Variants in AFAP1L2 observed in about 807,000 individuals in gnomAD.
The protein encoded by AFAP1L2 is actin filament-associated protein 1-like 2.
Under a neutral mutation model 99.3 loss-of-function variants are expected in AFAP1L2, and 46 were observed. The ratio of observed to expected loss-of-function variants is 0.46; its 90% CI spans 0.37 to 0.59. AFAP1L2 has a LOEUF of 0.59. Among genes scored for constraint, AFAP1L2 ranks in the 20% least tolerant of loss-of-function variants. AFAP1L2 has a pLI of 0.00. For missense variants in AFAP1L2, 959 were observed against 1,034.9 expected, an observed-to-expected ratio of 0.93 and a Z score of 1.01; for synonymous variants, 397 against 419.1, an observed-to-expected ratio of 0.95 and a Z score of 0.64.
rs515392 is a variant in AFAP1L2 at position 114,385,942 on chromosome 10, C to A, written c.16+18498G>T. Reference sequence around the variant, plus strand: ...CAGGTTCTCACCACCCCCCGCCCCCCCTCAGGAGTCCCTGAGGATTCACTG... The same window carrying A: ...CAGGTTCTCACCACCCCCCGCCCCCACTCAGGAGTCCCTGAGGATTCACTG... On this transcript the variant is annotated intron_variant, in intron 1 of 18. Coordinates refer to ENST00000304129, the MANE Select transcript of AFAP1L2 (RefSeq NM_001001936.3). Among the ~76,000 whole-genome samples, 6 of 151,884 alleles carry A rather than the reference C, an allele frequency of 4.0e-5. No homozygotes were observed. In the East Asian group the frequency reaches 5.8e-4, roughly 15 times the overall value.
rs2045197429 is a variant in AFAP1L2, at chr10:114,321,069, C to T, written c.406+2102G>A. 2.6e-5 allele frequency among the ~76,000 whole-genome samples: 4 copies of T among 152,308 alleles called. No homozygotes were observed. The South Asian group carries it at 8.3e-4, about 32-fold the overall frequency. ...GTGGCAGGTAAGTGTGAAGGAAGGG[C>T]AGGGGAATCCCATCCCGCTCCCAGT... On this transcript the variant is annotated intron_variant, in intron 5 of 18. Transcript: ENST00000304129.
chr10:114,386,276 C>CT (rs770713173), intron 1 of AFAP1L2, among the ~76,000 whole-genome samples: 16 of 152,262 alleles, frequency 1.1e-4, no homozygotes, highest in Admixed American at 7.8e-4. Context: ...TGGCATGCAT[C>CT]TGTAGTCCCA....
At chr10:114,331,712 C>T in intron 4 of AFAP1L2, 91 bp downstream of exon 4, 2 of 938,194 alleles carry the variant, frequency 2.1e-6, no homozygotes, top group South Asian at 3.9e-5. Flanking sequence ...TCAGAAAATG[C>T]CAGACACTTA....
intron 1 of AFAP1L2, among the ~76,000 whole-genome samples, chr10:114,380,742 T>C (rs1299329208): frequency 6.6e-6 from 1 of 152,206 alleles, no homozygotes; most frequent in African/African-American, 2.4e-5. Context: ...AACAAAGACA[T>C]TGAGAAGACA....
intron 2 of AFAP1L2, among the ~76,000 whole-genome samples, chr10:114,333,552 T>C (rs1274842360): frequency 6.6e-6 from 1 of 152,146 alleles, no homozygotes; most frequent in African/African-American, 2.4e-5. Context: ...AAGGATAGCT[T>C]ATGGTATAAA....
intron 1 of AFAP1L2, among the ~76,000 whole-genome samples, chr10:114,351,567 T>G (rs564747963): frequency 6.6e-6 from 1 of 152,068 alleles, no homozygotes; most frequent in African/African-American, 2.4e-5. Flanking sequence ...GAGGTTGGAG[T>G]CAACCGGGGG....
Position 114,343,410 on chromosome 10 carries a change from G to A in AFAP1L2, c.17-2679C>T, listed in dbSNP as rs187843909. Among the ~76,000 whole-genome samples the A allele has an allele frequency of 2.3e-3, 345 of 152,316 alleles. 2 individuals are homozygous for A. The highest frequency in any genetic ancestry group is 8.1e-3 in the African/African-American group (336 of 41,578). On this transcript the variant is annotated intron_variant, in intron 1 of 18. Coordinates refer to ENST00000304129, the MANE Select transcript of AFAP1L2 (RefSeq NM_001001936.3). ...AGCCTTTCATTTGTGTCACTCTAGA[G>A]GCAAGTCAGTGGCTCAGGAGAAACA...
intron 1 of AFAP1L2, among the ~76,000 whole-genome samples, chr10:114,392,993 T>A (rs981835908): frequency 1.3e-5 from 2 of 152,162 alleles, no homozygotes; most frequent in Non-Finnish European, 2.9e-5. Flanking sequence ...GGGCTGATTG[T>A]CATCCCACAT....
intron 1 of AFAP1L2, among the ~76,000 whole-genome samples, chr10:114,383,018 G>A (rs1389537070): frequency 6.6e-6 from 1 of 151,830 alleles, no homozygotes; most frequent in Non-Finnish European, 1.5e-5. Context: ...CACTTTCTAT[G>A]TATATAACAA....
chr10:114,314,639 G>T (rs1324148966), intron 6 of AFAP1L2, among the ~76,000 whole-genome samples: 3 of 152,228 alleles, frequency 2.0e-5, no homozygotes, highest in Non-Finnish European at 4.4e-5. Flanking sequence ...AGCAGGGCCT[G>T]TTGTAACCAG....
chr10:114,404,752 G>T, upstream of AFAP1L2: 1 of 322,492 alleles, frequency 3.1e-6, no homozygotes, highest in Non-Finnish European at 5.6e-6. Flanking sequence ...CGGCCGCCTT[G>T]GCACTCCCTT....
In AFAP1L2 at chr10:114,369,369, G is replaced by A. The variant is rs1462549859; in HGVS notation, c.17-28638C>T. Reference sequence around the variant, plus strand: ...CGAGCACTTTCGGAGGCCGAGGCGGGCGGATCACGAGGTCAGGAGATCGAG... The same window carrying A: ...CGAGCACTTTCGGAGGCCGAGGCGGACGGATCACGAGGTCAGGAGATCGAG... On this transcript the variant is annotated intron_variant, in intron 1 of 18. Coordinates refer to ENST00000304129, the MANE Select transcript of AFAP1L2 (RefSeq NM_001001936.3). 2.6e-5 allele frequency among the ~76,000 whole-genome samples: 4 copies of A among 152,274 alleles called. No individual in the cohort carries two copies. In the East Asian group the frequency reaches 7.7e-4, roughly 29 times the overall value.
intron 1 of AFAP1L2, among the ~76,000 whole-genome samples, chr10:114,353,746 C>G (rs2050890915): frequency 6.6e-6 from 1 of 152,128 alleles, no homozygotes; most frequent in Non-Finnish European, 1.5e-5. Flanking sequence ...ATAAAAGCAA[C>G]TTGAGAAGCC....
At chr10:114,379,428 T>C (rs2055297907) in intron 1 of AFAP1L2, among the ~76,000 whole-genome samples, 1 of 152,108 alleles carries the variant, frequency 6.6e-6, no homozygotes, top group South Asian at 2.1e-4. Flanking sequence ...CACACTGACC[T>C]GGACTAAATA....
rs142362822 is a variant in AFAP1L2, at chr10:114,350,996, G to A, written c.17-10265C>T. Among the ~76,000 whole-genome samples, 802 of 152,248 alleles carry A rather than the reference G, an allele frequency of 5.3e-3. 6 individuals carry two copies. Among genetic ancestry groups the A allele is most frequent in the African/African-American group, 0.018 (730 of 41,520 alleles). ...AAGAGTGGCTTCATTCAGAGCCAGC[G>A]GGGGCCAGTTATGCGGGTGGGAGGC... On this transcript the variant is annotated intron_variant, in intron 1 of 18. Transcript: ENST00000304129.
chr10:114,310,498 C>G, intron 7 of AFAP1L2, 55 bp from the exon 8 acceptor site: 1 of 1,529,014 alleles, frequency 6.5e-7, no homozygotes, highest in Non-Finnish European at 8.9e-7. Context: ...CCAGCACTCA[C>G]AGCCAGGCTG....
At chr10:114,310,062 G>A (rs548561972) in intron 8 of AFAP1L2, among the ~76,000 whole-genome samples, 2 of 152,060 alleles carry the variant, frequency 1.3e-5, no homozygotes, top group Admixed American at 1.3e-4. Flanking sequence ...CGAGTAGCTG[G>A]GATTACAGGC....
the AFAP1L2 span, chr10:114,285,098 A>G: frequency 1.5e-6 from 1 of 668,218 alleles, no homozygotes; most frequent in Non-Finnish European, 2.4e-6. Flanking sequence ...TTTCCAATGC[A>G]CCACTGGTCT....
chr10:114,324,775 C>T (rs1293064361), intron 4 of AFAP1L2, among the ~76,000 whole-genome samples: 1 of 152,148 alleles, frequency 6.6e-6, no homozygotes, highest in African/African-American at 2.4e-5. Flanking sequence ...AAGCAGCAGC[C>T]AATGGAAGGA....
Sources: allele counts gnomAD v4.1 joint callset (sites outside exome capture counted in the v4.1 genomes callset), GRCh38; gene constraint gnomAD v4.1.1; transcripts MANE v1.5; gene names NCBI Gene and HGNC (gene_info 2026-07-23, HGNC 2026-07-21).